The following BLTP1 variants were observed in gnomAD, a reference collection of about 807,000 sequenced individuals.
BLTP1 encodes the protein bridge-like lipid transfer protein family member 1.
chr4:122,337,200 T>C, the BLTP1 span: 2 of 587,880 alleles, frequency 3.4e-6, no homozygotes, highest in African/African-American at 3.8e-5. Flanking sequence ...TAAAATTTTA[T>C]GTATATACAG....
At chr4:122,318,942 G>A in the BLTP1 span, among the ~76,000 whole-genome samples, 22 of 151,822 alleles carry the variant, frequency 1.4e-4, no homozygotes, top group Non-Finnish European at 2.2e-4. Flanking sequence ...TGTCTTTTTC[G>A]TCTCTCCATT....
the BLTP1 span, among the ~76,000 whole-genome samples, chr4:122,283,751 C>T: frequency 6.6e-6 from 1 of 152,194 alleles, no homozygotes; most frequent in African/African-American, 2.4e-5. Flanking sequence ...CTCAAGCGAT[C>T]CGCCTGCCTT....
chr4:122,189,159 T>C, the BLTP1 span: 1 of 840,656 alleles, frequency 1.2e-6, no homozygotes, highest in Non-Finnish European at 1.4e-6. Context: ...AGATTTAAAA[T>C]TGTATTTTTC....
At chr4:122,229,967 A>G in the BLTP1 span, 1 of 1,613,950 alleles carries the variant, frequency 6.2e-7, no homozygotes, top group South Asian at 1.1e-5. Context: ...TAATCTCCAC[A>G]ATCAATCGGT....
the BLTP1 span, chr4:122,344,186 G>A: frequency 0.013 from 5,049 of 381,582 alleles, 255 homozygotes; most frequent in African/African-American, 0.1. Flanking sequence ...CACCAATTAT[G>A]TTTGTGGGTT....
chr4:122,286,866 C>A, the BLTP1 span: 2 of 1,181,022 alleles, frequency 1.7e-6, no homozygotes, highest in Non-Finnish European at 2.4e-6. Flanking sequence ...TGTAGTAATC[C>A]AAACTTTTAA....
the BLTP1 span, among the ~76,000 whole-genome samples, chr4:122,253,567 G>A: frequency 6.6e-6 from 1 of 151,992 alleles, no homozygotes; most frequent in Non-Finnish European, 1.5e-5. Context: ...AAGAATTAAT[G>A]AGCTTGAAGA....
chr4:122,170,418 A>G, the BLTP1 span: 7 of 978,078 alleles, frequency 7.2e-6, no homozygotes, highest in Non-Finnish European at 8.5e-6. Flanking sequence ...TCAGGACATT[A>G]CAAGTATGAT....
the BLTP1 span, among the ~76,000 whole-genome samples, chr4:122,265,325 C>T: frequency 7.9e-5 from 12 of 152,266 alleles, no homozygotes; most frequent in Non-Finnish European, 1.0e-4. Flanking sequence ...GTAAATGCTA[C>T]GTCAATAATT....
At chr4:122,289,319 G>C in the BLTP1 span, 1 of 808,054 alleles carries the variant, frequency 1.2e-6, no homozygotes. Flanking sequence ...TAACTCCTAA[G>C]AAACTGTGCA....
chr4:122,237,083 G>C, the BLTP1 span: 1 of 984,450 alleles, frequency 1.0e-6, no homozygotes, highest in Non-Finnish European at 1.2e-6. Flanking sequence ...TACATTTGTG[G>C]TAGTAGAAGT....
chr4:122,196,574 T>C, the BLTP1 span: 88,770 of 1,354,106 alleles, frequency 0.066, 3,266 homozygotes, highest in Non-Finnish European at 0.074. Context: ...ATTATGTTCC[T>C]TTATCAGAAG....
the BLTP1 span, chr4:122,243,760 T>C: frequency 7.5e-7 from 1 of 1,334,126 alleles, no homozygotes. Context: ...AAATTTTTAG[T>C]TGTAATGAAT....
chr4:122,211,997 A>ATTTT, the BLTP1 span: 2 of 934,456 alleles, frequency 2.1e-6, no homozygotes, highest in Middle Eastern at 5.4e-4. Context: ...GCATTTTTAC[A>ATTTT]GGATCGGCAG....
At chr4:122,232,794 C>T in the BLTP1 span, among the ~76,000 whole-genome samples, 53 of 152,168 alleles carry the variant, frequency 3.5e-4, no homozygotes, top group African/African-American at 1.1e-3. Flanking sequence ...CCAACACAAC[C>T]CTGTGAAATA....
At chr4:122,209,815 A>G in the BLTP1 span, 13 of 1,612,996 alleles carry the variant, frequency 8.1e-6, no homozygotes, top group Admixed American at 1.7e-5. Context: ...TTACTCTTCA[A>G]AGGTCTGGTT....
chr4:122,233,213 G>C, the BLTP1 span, among the ~76,000 whole-genome samples: 1 of 152,198 alleles, frequency 6.6e-6, no homozygotes, highest in South Asian at 2.1e-4. Flanking sequence ...TAGTGCATTG[G>C]ATTATGCAAA....
chr4:122,353,312 T>C, the BLTP1 span: 2 of 873,448 alleles, frequency 2.3e-6, no homozygotes, highest in Non-Finnish European at 2.7e-6. This position sits in a 1 kb window ranked among gnomAD's most constrained non-coding sequence, Gnocchi z 4.3. Flanking sequence ...GTCTGGAACA[T>C]GTTAATTTCT....
At chr4:122,309,226 G>A in the BLTP1 span, 3 of 1,583,520 alleles carry the variant, frequency 1.9e-6, no homozygotes, top group Non-Finnish European at 2.6e-6. Context: ...TTAAAAAATT[G>A]TCACCTTTTG....
Sources: gnomAD v4.1 joint callset for allele counts (sites outside exome capture counted in the v4.1 genomes callset) on GRCh38, gnomAD v4.1.1 for gene constraint, Gnocchi (gnomAD v3.1) non-coding constraint, MANE v1.5 for transcripts, NCBI Gene and HGNC (gene_info 2026-07-23, HGNC 2026-07-21) for gene names.